Variants in TACC3 observed in about 807,000 individuals in gnomAD.
TACC3 encodes transforming acidic coiled-coil-containing protein 3.
In TACC3, 52 loss-of-function variants were observed where a neutral mutation model predicts 86.0. The ratio of observed to expected loss-of-function variants is 0.60; its 90% CI spans 0.48 to 0.76. The LOEUF is 0.76. Ranked by LOEUF, TACC3 falls within the 30% of genes least tolerant of loss-of-function variation. The probability of loss-of-function intolerance (pLI) is 0.00; values close to 1 mark genes in which losing one functional copy is unlikely to be tolerated. For missense variants in TACC3, 1,120 were observed against 1,070.4 expected (o/e 1.05, Z -0.65); for synonymous variants, 512 against 430.0 (o/e 1.19, Z -2.36).
chr4:1,727,831 G>A lies in TACC3; in HGVS notation c.429G>A (p.Glu143=). ...SPAFGSGSSS[E]SGPGALADLD... The stretch of plus-strand genomic sequence containing the variant: ...CCTTTGGGAGTGGCAGCTCCAGCGA[G>A]TCTGGCCCAGGTGCCCTGGCTGACC... The change falls in exon 4 of 16, where the codon GAG becomes GAA. Residue 143 remains glutamate, a synonymous_variant. Coordinates refer to ENST00000313288, the MANE Select transcript of TACC3 (RefSeq NM_006342.3). 1 of 1,613,074 alleles carries A rather than the reference G, an allele frequency of 6.2e-7. No homozygotes were observed. The highest frequency in any genetic ancestry group is 1.3e-5 in the African/African-American group (1 of 75,076).
Position 1,744,728 on chromosome 4 carries a change from G to A in TACC3, c.2347G>A (p.Ala783Thr), listed in dbSNP as rs75311370. The A allele has an allele frequency of 7.2e-4, 1,155 of 1,612,530 alleles. 11 individuals are homozygous for A. In the East Asian group the frequency reaches 0.02, roughly 29 times the overall value. Residue 783 changes from alanine to threonine, a missense_variant, in exon 15 of 16, where the codon GCC (alanine) becomes ACC (threonine). By Grantham distance (58) the Ala-to-Thr change is moderately conservative. Coordinates refer to ENST00000313288, the MANE Select transcript of TACC3 (RefSeq NM_006342.3). ...EKLQLANEEI[A>T]QVRSKAQAEA... ...CCCCTCCAGGGCAAACGAGGAGATC[G>A]CCCAGGTCCGGAGCAAGGCCCAGGC...
chr4:1,723,127 G>T, intron 1 of TACC3: 1 of 420,012 alleles, frequency 2.4e-6, no homozygotes, highest in Middle Eastern at 6.5e-4. Context: ...ATGCAGGCTT[G>T]GGTTTTCTTT....
intron 4 of TACC3, among the ~76,000 whole-genome samples, chr4:1,729,894 T>C (rs798763): frequency 0.61 from 93,545 of 152,138 alleles, 29,179 homozygotes; most frequent in East Asian, 0.86. Flanking sequence ...CCTTCCCAAG[T>C]GCTGGTGTTA....
chr4:1,744,959 C>G lies in TACC3; in HGVS notation c.2463C>G (p.Asn821Lys), dbSNP rs144284746. Residue 821 changes from asparagine (N) to lysine (K), a missense_variant, in exon 16 of 16, where the codon AAC becomes AAG. Physicochemically the swap from Asn to Lys is moderately conservative, Grantham distance 94. Coordinates refer to ENST00000313288, the MANE Select transcript of TACC3 (RefSeq NM_006342.3). ...EKTVEQKTKENEELTRICDDL... is the reference protein window; with the variant it reads ...EKTVEQKTKEKEELTRICDDL... ...TCTTCCTCCTCCAGACTAAAGAGAA[C>G]GAGGAGCTGACCAGGATCTGCGACG... is the stretch of plus-strand genomic sequence containing the variant. 4 of 1,611,832 alleles carry G rather than the reference C, an allele frequency of 2.5e-6. No individual in the cohort carries two copies. The highest frequency in any genetic ancestry group is 2.7e-5 in the African/African-American group (2 of 74,930).
chr4:1,729,649 C>G (rs1051097779), intron 4 of TACC3, among the ~76,000 whole-genome samples: 1 of 152,200 alleles, frequency 6.6e-6, no homozygotes, highest in African/African-American at 2.4e-5. Context: ...AAGACAGAGC[C>G]AGGTGTACAG....
chr4:1,729,312 A>G (rs1433831388), intron 4 of TACC3, among the ~76,000 whole-genome samples: 1 of 152,146 alleles, frequency 6.6e-6, no homozygotes, highest in Non-Finnish European at 1.5e-5. Flanking sequence ...CCTCGTGTGC[A>G]TAGACAAGAG....
At chr4:1,739,839 T>G in intron 11 of TACC3, 61 bp downstream of exon 11, 1 of 1,244,080 alleles carries the variant, frequency 8.0e-7, no homozygotes, top group Non-Finnish European at 1.1e-6. Context: ...CTTGTCCCCA[T>G]CCCCCTCGCC....
chr4:1,737,847 G>A (rs750985265), intron 10 of TACC3, 145 bp downstream of exon 10: 47 of 824,692 alleles, frequency 5.7e-5, no homozygotes, highest in South Asian at 3.8e-4. Context: ...GAGAGCTGCC[G>A]GCCCCTGGCC....
At chr4:1,731,743 C>G (rs1341615381) in intron 6 of TACC3, among the ~76,000 whole-genome samples, 1 of 152,156 alleles carries the variant, frequency 6.6e-6, no homozygotes, top group African/African-American at 2.4e-5. Context: ...TCAAGAGATT[C>G]TCCTGCTCAG....
At chr4:1,740,052 T>C (rs763602013) in intron 12 of TACC3, 50 bp downstream of exon 12, 2 of 1,588,600 alleles carry the variant, frequency 1.3e-6, no homozygotes, top group South Asian at 1.1e-5. Context: ...GGGCTGCCTA[T>C]GCCCCACCCT....
chr4:1,722,380 C>T (rs903410787), intron 1 of TACC3, among the ~76,000 whole-genome samples: 7 of 152,212 alleles, frequency 4.6e-5, no homozygotes, highest in Non-Finnish European at 7.3e-5. Flanking sequence ...AGGGCGAAAA[C>T]CTAAGCGTCG....
intron 10 of TACC3, chr4:1,739,350 C>G: frequency 6.8e-6 from 2 of 295,612 alleles, no homozygotes; most frequent in African/African-American, 2.2e-5. Flanking sequence ...CTTACTGATT[C>G]TTTGAAGACA....
Position 1,735,737 on chromosome 4 carries a change from G to A in TACC3, c.1651G>A (p.Glu551Lys). 1 of 1,612,590 alleles carries A rather than the reference G, an allele frequency of 6.2e-7. No individual in the cohort carries two copies. The highest frequency in any genetic ancestry group is 8.5e-7 in the Non-Finnish European group (1 of 1,179,308). Residue 551 changes from glutamate to lysine, a missense_variant, in exon 8 of 16, where the codon GAG (glutamate) becomes AAG (lysine). Transcript: ENST00000313288. The surrounding 1 kb of genome is among the most constrained non-coding windows in gnomAD (Gnocchi z 4.2). ...CTTGCCCTCTTGTCCCCAGTTTAAG[G>A]AGTCGGCCTTGAGGAAGCAGTCCTT... is the stretch of plus-strand genomic sequence containing the variant. ...LEQFGTSSFK[E>K]SALRKQSLYL... is the part of the protein sequence containing the mutation.
At chr4:1,740,250 C>G (rs1374115209) in intron 12 of TACC3, 1 of 582,482 alleles carries the variant, frequency 1.7e-6, no homozygotes, top group African/African-American at 1.9e-5. Flanking sequence ...AGATGCTGAG[C>G]TAGCAGTGGG....
intron 6 of TACC3, among the ~76,000 whole-genome samples, chr4:1,732,471 A>AGGCTGCAGTTGAAT (rs1718051372): frequency 2.0e-5 from 3 of 152,254 alleles, no homozygotes; most frequent in Admixed American, 6.5e-5. Context: ...GTAAGATTGG[A>AGGCTGCAGTTGAAT]AGGTGGAACG....
intron 3 of TACC3, among the ~76,000 whole-genome samples, chr4:1,726,958 C>T (rs575589415): frequency 6.6e-6 from 1 of 152,210 alleles, no homozygotes; most frequent in South Asian, 2.1e-4. Context: ...GAAAACCTGT[C>T]TCTACTAAAA....
At chr4:1,738,082 C>G in intron 10 of TACC3, 1 of 359,082 alleles carries the variant, frequency 2.8e-6, no homozygotes, top group Non-Finnish European at 5.5e-6. Context: ...TTAGGAAGCT[C>G]CATCTTCACC....
In TACC3 at chr4:1,723,428, C is replaced by T; in HGVS notation, c.7C>T (p.Leu3=). ...CATGTTCTGCTTTTCCAGAATGAGT[C>T]TGCAGGTCTTAAACGACAAAAATGT... MS[L]QVLNDKNVSN... Residue 3 remains leucine (L), a synonymous_variant, in exon 2 of 16, where the codon CTG becomes TTG. Transcript: ENST00000313288. 2 of 1,612,994 alleles carry T rather than the reference C, an allele frequency of 1.2e-6. No individual in the cohort carries two copies. Among genetic ancestry groups the T allele is most frequent in the Non-Finnish European group, 1.7e-6 (2 of 1,179,722 alleles).
chr4:1,728,230 T>C lies in TACC3; in HGVS notation c.828T>C (p.Pro276=). ...QGLPGEALGC[P]AGVGTPVPAD... is the part of the protein sequence containing the mutation. Reference sequence around the variant, plus strand: ...TGCCTGGCGAAGCCCTGGGCTGCCCTGCGGGTGTGGGCACCCCCGTGCCAG... The same window carrying C: ...TGCCTGGCGAAGCCCTGGGCTGCCCCGCGGGTGTGGGCACCCCCGTGCCAG... The change falls in exon 4 of 16, where the codon CCT becomes CCC. Residue 276 remains proline, a synonymous_variant. Coordinates refer to ENST00000313288, the MANE Select transcript of TACC3 (RefSeq NM_006342.3). The C allele has an allele frequency of 1.9e-6, 3 of 1,612,304 alleles. No homozygotes were observed. The highest frequency in any genetic ancestry group is 2.2e-5 in the South Asian group (2 of 91,014).
Sources: gnomAD v4.1 joint callset for allele counts (sites outside exome capture counted in the v4.1 genomes callset) on GRCh38, gnomAD v4.1.1 for gene constraint, Gnocchi (gnomAD v3.1) non-coding constraint, MANE v1.5 for transcripts, NCBI Gene and HGNC (gene_info 2026-07-23, HGNC 2026-07-21) for gene names.